TFAM: variants seen among roughly 807,000 people sequenced by gnomAD.
TFAM encodes the protein transcription factor A, mitochondrial.
Under a neutral mutation model 30.6 loss-of-function variants are expected in TFAM, and 13 were observed. That is an observed-to-expected ratio of 0.42 (90% CI 0.28 to 0.67). TFAM has a LOEUF of 0.67. TFAM is among the 30% of genes least tolerant of loss of function. The pLI, the probability that TFAM is intolerant of heterozygous loss-of-function variation, is 0.21. For synonymous variants in TFAM, 106 were observed against 94.8 expected, an observed-to-expected ratio of 1.12 and a Z score of -0.69; for missense variants, 231 against 293.7, an observed-to-expected ratio of 0.79 and a Z score of 1.56.
intron 4 of TFAM, among the ~76,000 whole-genome samples, chr10:58,389,207 G>A (rs1285726456): frequency 6.6e-6 from 1 of 152,134 alleles, no homozygotes; most frequent in Non-Finnish European, 1.5e-5. Context: ...GTTTGATATG[G>A]AATATTGCTG....
Position 58,396,113 on chromosome 10 carries a change from CATAA to C in TFAM, c.*1045_*1048del, listed in dbSNP as rs1840676678. On this transcript the variant is annotated 3_prime_UTR_variant, in exon 7 of 7. Transcript: ENST00000487519. ...AAAATTAACATGAATATTTAGTGTT[CATAA>C]ATAAAGTTTGTTGAAACACAACCAA... is the stretch of plus-strand genomic sequence containing the variant. The C allele has an allele frequency of 6.6e-6, 1 of 151,976 alleles. No homozygotes were observed. Among genetic ancestry groups the C allele is most frequent in the Admixed American group, 6.6e-5 (1 of 15,248 alleles). The allele number at this position is 151,976 out of a possible 1,614,324, so 9.4% of individuals were successfully genotyped here. A position where few individuals can be genotyped will look rare whatever the true frequency, so the allele number is the denominator to read the frequency against.
chr10:58,396,505 A>T lies in TFAM; in HGVS notation c.*1431A>T, dbSNP rs145362995. ...ATATACTGTGGAATGATATTCTTTTAAAATTATTTGCTATGGCTTGGTAAA... is the reference window on the plus strand; with the variant it reads ...ATATACTGTGGAATGATATTCTTTTTAAATTATTTGCTATGGCTTGGTAAA... On this transcript the variant is annotated 3_prime_UTR_variant, in exon 7 of 7. Coordinates refer to ENST00000487519, the MANE Select transcript of TFAM (RefSeq NM_003201.3). The T allele has an allele frequency of 3.3e-5, 5 of 152,342 alleles. No individual in the cohort carries two copies. The East Asian group carries it at 9.6e-4, about 29-fold the overall frequency. 9.4% of individuals were successfully genotyped at this position (152,342 alleles called of 1,614,324 possible). A position where few individuals can be genotyped will look rare whatever the true frequency, so the allele number is the denominator to read the frequency against.
rs1322636207 is a variant in TFAM at position 58,396,765 on chromosome 10, A to T, written c.*1691A>T. 6.6e-6 allele frequency: 1 copy of T among 152,248 alleles called. No individual in the cohort carries two copies. The highest frequency in any genetic ancestry group is 1.5e-5 in the Non-Finnish European group (1 of 68,034). The allele number at this position is 152,248 out of a possible 1,614,324, so 9.4% of individuals were successfully genotyped here. On this transcript the variant is annotated 3_prime_UTR_variant, in exon 7 of 7. Coordinates refer to ENST00000487519, the MANE Select transcript of TFAM (RefSeq NM_003201.3). ...CTAGATCTCCAGAAAGACTTTGAAGACTTTGATGTCACAAAAAGATGACTT... is the reference window on the plus strand; with the variant it reads ...CTAGATCTCCAGAAAGACTTTGAAGTCTTTGATGTCACAAAAAGATGACTT...
chr10:58,390,931 C>A, intron 5 of TFAM, 71 bp downstream of exon 5: 1 of 1,348,196 alleles, frequency 7.4e-7, no homozygotes, highest in South Asian at 1.2e-5. Flanking sequence ...TGCCATGTGT[C>A]AGGTAGTGAA....
chr10:58,389,363 T>G (rs1406183959), intron 4 of TFAM, among the ~76,000 whole-genome samples: 1 of 152,222 alleles, frequency 6.6e-6, no homozygotes, highest in Non-Finnish European at 1.5e-5. Context: ...GTTCCCAGCT[T>G]AATGTATTAA....
At chr10:58,393,894 CAA>C (rs1212905436) in intron 5 of TFAM, among the ~76,000 whole-genome samples, 27 of 115,542 alleles carry the variant, frequency 2.3e-4, no homozygotes, top group Admixed American at 3.5e-4. Flanking sequence ...GACCTTGTCT[CAA>C]AAAAAAAAAA....
At chr10:58,391,635 C>G (rs1175467126) in intron 5 of TFAM, among the ~76,000 whole-genome samples, 3 of 151,978 alleles carry the variant, frequency 2.0e-5, no homozygotes, top group Non-Finnish European at 4.4e-5. Context: ...ACCGTTTAAG[C>G]TAGACATTTA....
Position 58,386,224 on chromosome 10 carries a change from G to T in TFAM, c.106G>T (p.Val36Leu), listed in dbSNP as rs780218379. ...GSRLRSPFSF[V>L]YLPRWFSSVL... ...TTTCTTTTTGTTTATATGTAGTTTT[G>T]TGTATTTACCGAGGTGGTTTTCATC... is the stretch of plus-strand genomic sequence containing the variant. Residue 36 changes from valine to leucine, a missense_variant, in exon 2 of 7, where the codon GTG (valine) becomes TTG (leucine). Coordinates refer to ENST00000487519, the MANE Select transcript of TFAM (RefSeq NM_003201.3). 6.9e-5 allele frequency: 110 copies of T among 1,602,782 alleles called. No homozygotes were observed. Among genetic ancestry groups the T allele is most frequent in the Middle Eastern group, 5.3e-4 (3 of 5,682 alleles).
chr10:58,395,206 G>C lies in TFAM; in HGVS notation c.*132G>C. 1 of 926,868 alleles carries C rather than the reference G, an allele frequency of 1.1e-6. No homozygotes were observed. Among genetic ancestry groups the C allele is most frequent in the South Asian group, 1.5e-5 (1 of 67,834 alleles). The allele number at this position is 926,868 out of a possible 1,614,324, so 57.4% of individuals were successfully genotyped here. ...TTTATATTTAGTATCTTTTTATTCA[G>C]CTCATGGACTTCTGCCAGCATAATA... On this transcript the variant is annotated 3_prime_UTR_variant, in exon 7 of 7. Coordinates refer to ENST00000487519, the MANE Select transcript of TFAM (RefSeq NM_003201.3).
At chr10:58,392,289 T>G (rs1292940618) in intron 5 of TFAM, among the ~76,000 whole-genome samples, 1 of 152,212 alleles carries the variant, frequency 6.6e-6, no homozygotes, top group African/African-American at 2.4e-5. Context: ...GGAAAACATA[T>G]TTCTTCAAAA....
At chr10:58,390,139 C>T (rs1355460039) in intron 4 of TFAM, among the ~76,000 whole-genome samples, 1 of 152,128 alleles carries the variant, frequency 6.6e-6, no homozygotes, top group African/African-American at 2.4e-5. Flanking sequence ...CTATTAAGAG[C>T]CACAGAATTT....
At chr10:58,394,034 A>G (rs1204273018) in intron 5 of TFAM, among the ~76,000 whole-genome samples, 1 of 152,226 alleles carries the variant, frequency 6.6e-6, no homozygotes, top group Non-Finnish European at 1.5e-5. Flanking sequence ...TGTTCTTATT[A>G]CTGCATCTAA....
chr10:58,394,371 CTG>C lies in TFAM; in HGVS notation c.553_554del (p.Val185LysfsTer9). 6.2e-7 allele frequency: 1 copy of C among 1,613,292 alleles called. No homozygotes were observed. Among genetic ancestry groups the C allele is most frequent in the Non-Finnish European group, 8.5e-7 (1 of 1,179,432 alleles). On this transcript the variant is annotated frameshift_variant, in exon 6 of 7. Transcript: ENST00000487519. LOFTEE classifies it low-confidence loss of function (END_TRUNC). ...ATTGTTTTACAGGAAAAGCTGAAGA[CTG>C]TAAAGGAAAACTGGAAAAATCTGTC...
At position 58,397,307 on chromosome 10, in the gene TFAM, G is replaced by A. The variant is rs1840701933; in HGVS notation, c.*2233G>A. 1 of 152,052 alleles carries A rather than the reference G, an allele frequency of 6.6e-6. No homozygotes were observed. The highest frequency in any genetic ancestry group is 6.5e-5 in the Admixed American group (1 of 15,270). The allele number at this position is 152,052 out of a possible 1,614,324, so 9.4% of individuals were successfully genotyped here. ...GTTACCCTGCGGGGAAATTTCCTCT[G>A]AGTTCTTTTAACATTAACTACCCGT... On this transcript the variant is annotated 3_prime_UTR_variant, in exon 7 of 7. Transcript: ENST00000487519.
chr10:58,385,466 T>A lies in TFAM; in HGVS notation c.-82T>A. 9.3e-7 allele frequency: 1 copy of A among 1,077,830 alleles called. No homozygotes were observed. Among genetic ancestry groups the A allele is most frequent in the Non-Finnish European group, 1.4e-6 (1 of 718,054 alleles). 66.8% of individuals were successfully genotyped at this position (1,077,830 alleles called of 1,614,324 possible). A position where few individuals can be genotyped will look rare whatever the true frequency, so the allele number is the denominator to read the frequency against. On this transcript the variant is annotated 5_prime_UTR_variant, in exon 1 of 7. Coordinates refer to ENST00000487519, the MANE Select transcript of TFAM (RefSeq NM_003201.3). ...ACACGCCGGAGGGTCGCACGCGGGT[T>A]CCAGTTGTGATTGCTGGAGTTGTGT...
rs1232350669 is a variant in TFAM, at chr10:58,385,500, G to C, written c.-48G>C. ...GATTGCTGGAGTTGTGTATTGCCAGGAGGCTCTCCGAGATTGGGGTCGGGT... is the reference window on the plus strand; with the variant it reads ...GATTGCTGGAGTTGTGTATTGCCAGCAGGCTCTCCGAGATTGGGGTCGGGT... On this transcript the variant is annotated 5_prime_UTR_variant, in exon 1 of 7. Transcript: ENST00000487519. 7.0e-7 allele frequency: 1 copy of C among 1,429,276 alleles called. No homozygotes were observed. The highest frequency in any genetic ancestry group is 9.7e-7 in the Non-Finnish European group (1 of 1,035,114). The allele number at this position is 1,429,276 out of a possible 1,614,324, so 88.5% of individuals were successfully genotyped here.
At position 58,398,631 on chromosome 10, in the gene TFAM, T is replaced by C. The variant is rs916812206; in HGVS notation, c.*3557T>C. 1 of 152,206 alleles carries C rather than the reference T, an allele frequency of 6.6e-6. No homozygotes were observed. Among genetic ancestry groups the C allele is most frequent in the Non-Finnish European group, 1.5e-5 (1 of 68,030 alleles). The allele number at this position is 152,206 out of a possible 1,614,324, so 9.4% of individuals were successfully genotyped here. On this transcript the variant is annotated 3_prime_UTR_variant, in exon 7 of 7. Coordinates refer to ENST00000487519, the MANE Select transcript of TFAM (RefSeq NM_003201.3). ...TGAATTGAAAAAAAATAGCGTACAA[T>C]AAGTAGATTTAAAGTAATTAGAACA...
Position 58,395,477 on chromosome 10 carries a change from TA to T in TFAM, c.*404del, listed in dbSNP as rs1283017991. 7.3e-6 allele frequency: 2 copies of T among 275,738 alleles called. No individual in the cohort carries two copies. Among genetic ancestry groups the T allele is most frequent in the Non-Finnish European group, 1.4e-5 (2 of 146,782 alleles). 17.1% of individuals were successfully genotyped at this position (275,738 alleles called of 1,614,324 possible). On this transcript the variant is annotated 3_prime_UTR_variant, in exon 7 of 7. Coordinates refer to ENST00000487519, the MANE Select transcript of TFAM (RefSeq NM_003201.3). The stretch of plus-strand genomic sequence containing the variant: ...TTGTAGAAGCCACGGTGTTCTGTGA[TA>T]TAAGTGTGTGTTTTTCATAAAGCAG...
intron 5 of TFAM, 44 bp from the exon 6 acceptor site, chr10:58,394,314 A>T: frequency 7.2e-7 from 1 of 1,396,376 alleles, no homozygotes; most frequent in African/African-American, 1.4e-5. Flanking sequence ...AAGGTCACTG[A>T]AGTCCCCATA....
Sources: allele counts gnomAD v4.1 joint callset (sites outside exome capture counted in the v4.1 genomes callset), GRCh38; gene constraint gnomAD v4.1.1; transcripts MANE v1.5; gene names NCBI Gene and HGNC (gene_info 2026-07-23, HGNC 2026-07-21).